The following ZNF687 variants were observed in gnomAD, a reference collection of about 807,000 sequenced individuals.
ZNF687 encodes zinc finger protein 687.
A neutral mutation model predicts 71.8 loss-of-function variants in ZNF687; 13 were observed. That is an observed-to-expected ratio of 0.18 (90% confidence interval 0.12 to 0.29). ZNF687 has a LOEUF of 0.29. Ranked by LOEUF, ZNF687 falls within the 10% of genes least tolerant of loss-of-function variation. ZNF687 has a pLI of 1.00. For missense variants in ZNF687, 1,412 were observed against 1,625.6 expected, an observed-to-expected ratio of 0.87 and a Z score of 2.26; for synonymous variants, 673 against 641.6, an observed-to-expected ratio of 1.05 and a Z score of -0.74.
upstream of ZNF687, chr1:151,282,052 C>T (rs1693732968): frequency 7.8e-7 from 1 of 1,283,012 alleles, no homozygotes. Flanking sequence ...ATGGGGCAGA[C>T]GGACCCCGGC....
rs374000640 is a variant in ZNF687, at chr1:151,286,499, T to G, written c.208T>G (p.Ser70Ala). The change falls in exon 2 of 9, where the codon TCT becomes GCT. Residue 70 changes from serine (S) to alanine (A), a missense_variant. Ser to Ala is a moderately conservative substitution (Grantham distance 99). This residue lies in a region of ZNF687 where 490 missense variants were observed against 489.9 expected (regional missense o/e 1.00). Transcript: ENST00000336715. ...TGGCCCTGGAGTTCCAGCCCAGGCC[T>G]CTGACCATGGCCTGCCACCGCCAGA... ...GDGPGVPAQA[S>A]DHGLPPPDIS... The G allele has an allele frequency of 3.8e-5, 61 of 1,614,040 alleles. No individual in the cohort carries two copies. Among genetic ancestry groups the G allele is most frequent in the Non-Finnish European group, 4.5e-5 (53 of 1,180,016 alleles).
chr1:151,282,578 C>A (rs976545934), intron 1 of ZNF687, among the ~76,000 whole-genome samples, 183 bp downstream of exon 1: 1 of 152,210 alleles, frequency 6.6e-6, no homozygotes, highest in East Asian at 1.9e-4. Flanking sequence ...AACTCCTGGC[C>A]TGTTGTAAGC....
intron 1 of ZNF687, 116 bp downstream of exon 1, chr1:151,282,511 G>T: frequency 1.5e-5 from 12 of 798,512 alleles, no homozygotes; most frequent in Non-Finnish European, 1.8e-5. Flanking sequence ...GCCGCCCCCT[G>T]GGGCGGCTTC....
At chr1:151,288,766 AG>A in intron 3 of ZNF687, 60 bp downstream of exon 3, 1 of 1,526,824 alleles carries the variant, frequency 6.5e-7, no homozygotes, top group South Asian at 1.3e-5. Flanking sequence ...CCTCAGCCTC[AG>A]ATGGCCTTTC....
At position 151,290,699 on chromosome 1, in the gene ZNF687, T is replaced by C. The variant is rs1359945148; in HGVS notation, c.3220-16T>C. The C allele has an allele frequency of 6.3e-7, 1 of 1,588,778 alleles. No individual in the cohort carries two copies. The highest frequency in any genetic ancestry group is 1.3e-5 in the African/African-American group (1 of 74,134). ...AGGGGTGGTGGTAAGGCCCAGTTTC[T>C]TCCACTTTTCTTCAGGGGCCAGGTC... is the stretch of plus-strand genomic sequence containing the variant. On this transcript the variant is annotated splice_polypyrimidine_tract_variant and intron_variant, in intron 8 of 8. Coordinates refer to ENST00000336715, the MANE Select transcript of ZNF687 (RefSeq NM_020832.3).
In ZNF687 at chr1:151,289,966, C is replaced by T. The variant is rs758950548; in HGVS notation, c.2923C>T (p.Arg975Cys). The change falls in exon 6 of 9, where the codon CGT (arginine) becomes TGT (cysteine). Residue 975 changes from arginine to cysteine, a missense_variant. Around this residue, in one of 8 missense-constraint regions of ZNF687, gnomAD observed 135 missense variants for 104.1 expected, o/e 1.30. Coordinates refer to ENST00000336715, the MANE Select transcript of ZNF687 (RefSeq NM_020832.3). ...CGLCHSWFPE[R>C]DEYVAHMKKE... is the part of the protein sequence containing the mutation. ...CCTGTGTCACTCCTGGTTCCCTGAG[C>T]GTGATGAATACGTGGCCCACATGAA... The T allele has an allele frequency of 6.3e-6, 10 of 1,575,512 alleles. No individual in the cohort carries two copies. Among genetic ancestry groups the T allele is most frequent in the South Asian group, 1.1e-5 (1 of 87,198 alleles).
rs1557769986 is a variant in ZNF687, at chr1:151,287,379, CCTT to C, written c.1092_1094del (p.Phe364del). The C allele has an allele frequency of 6.2e-7, 1 of 1,614,156 alleles. No homozygotes were observed. The highest frequency in any genetic ancestry group is 8.5e-7 in the Non-Finnish European group (1 of 1,180,040). On this transcript the variant is annotated inframe_deletion, in exon 2 of 9. Transcript: ENST00000336715. This position sits in a 1 kb window ranked among gnomAD's most constrained non-coding sequence, Gnocchi z 5.0. The stretch of plus-strand genomic sequence containing the variant: ...CCACCTGCCCCCTTGGCTGAGGGGG[CCTT>C]CTTGGCTGAGGCTAGCCTCTTGAAG...
rs1693987368 is a variant in ZNF687 at position 151,287,178 on chromosome 1, A to G, written c.887A>G (p.Lys296Arg). ...GATGATGATGAGGGGCCAGTGGACA[A>G]GTCTTCCCCAGGAAGTCCCCAGAGT... is the stretch of plus-strand genomic sequence containing the variant. The part of the protein sequence containing the change: ...EEDDDEGPVD[K>R]SSPGSPQSPS... Residue 296 changes from lysine (K) to arginine (R), a missense_variant, in exon 2 of 9, where the codon AAG becomes AGG. Coordinates refer to ENST00000336715, the MANE Select transcript of ZNF687 (RefSeq NM_020832.3). The surrounding 1 kb of genome is among the most constrained non-coding windows in gnomAD (Gnocchi z 5.0). The G allele has an allele frequency of 6.2e-7, 1 of 1,614,034 alleles. No homozygotes were observed. Among genetic ancestry groups the G allele is most frequent in the African/African-American group, 1.3e-5 (1 of 74,938 alleles).
At chr1:151,283,995 G>T in intron 1 of ZNF687, 1 of 985,424 alleles carries the variant, frequency 1.0e-6, no homozygotes, top group Non-Finnish European at 1.2e-6. Context: ...ACTGGTAGGG[G>T]ACAGACCTGG....
rs757194547 is a variant in ZNF687, at chr1:151,290,646, A to G, written c.3220-69A>G. 3 of 1,580,026 alleles carry G rather than the reference A, an allele frequency of 1.9e-6. No homozygotes were observed. The Admixed American group carries it at 5.3e-5, about 28-fold the overall frequency. The stretch of plus-strand genomic sequence containing the variant: ...GGAAGGCAGAGACCATGGCCTCAGG[A>G]AGCGAGCATGGGGGTGCCAGGGACA... On this transcript the variant is annotated intron_variant, in intron 8 of 8. Coordinates refer to ENST00000336715, the MANE Select transcript of ZNF687 (RefSeq NM_020832.3).
rs1444938578 is a variant in ZNF687, at chr1:151,287,185, C to A, written c.894C>A (p.Ser298=). 6.2e-7 allele frequency: 1 copy of A among 1,614,008 alleles called. No individual in the cohort carries two copies. The highest frequency in any genetic ancestry group is 8.5e-7 in the Non-Finnish European group (1 of 1,180,006). ...DDDEGPVDKS[S]PGSPQSPSSG... ...ATGAGGGGCCAGTGGACAAGTCTTCCCCAGGAAGTCCCCAGAGTCCCTCTA... is the reference window on the plus strand; with the variant it reads ...ATGAGGGGCCAGTGGACAAGTCTTCACCAGGAAGTCCCCAGAGTCCCTCTA... Residue 298 remains serine (S), a synonymous_variant, in exon 2 of 9, where the codon TCC becomes TCA. Coordinates refer to ENST00000336715, the MANE Select transcript of ZNF687 (RefSeq NM_020832.3). This position sits in a 1 kb window ranked among gnomAD's most constrained non-coding sequence, Gnocchi z 5.0.
In ZNF687 at chr1:151,291,471, A is replaced by C. The variant is rs2101890576; in HGVS notation, c.*262A>C. ...CTAATTAATTTTATGCTCCTGCTGC[A>C]GAACCCCCAGTGTGGGCCTGGGGGT... On this transcript the variant is annotated 3_prime_UTR_variant, in exon 9 of 9. Coordinates refer to ENST00000336715, the MANE Select transcript of ZNF687 (RefSeq NM_020832.3). The C allele has an allele frequency of 2.3e-6, 1 of 428,762 alleles. No individual in the cohort carries two copies. Among genetic ancestry groups the C allele is most frequent in the South Asian group, 2.9e-5 (1 of 34,506 alleles). The allele number at this position is 428,762 out of a possible 1,614,324, so 26.6% of individuals were successfully genotyped here.
chr1:151,289,555 G>A lies in ZNF687; in HGVS notation c.2634+15G>A, dbSNP rs1310465619. On this transcript the variant is annotated intron_variant, in intron 5 of 8. Transcript: ENST00000336715. ...AACATCTCAAGGTACAGGAGCAGAG[G>A]GATGGGGAATGGGTGCTTAGCTGTA... 7 of 1,613,946 alleles carry A rather than the reference G, an allele frequency of 4.3e-6. No homozygotes were observed. The Admixed American group carries it at 5.0e-5, about 12-fold the overall frequency.
At chr1:151,281,787 G>A (rs905068582), upstream of ZNF687, 5 of 369,964 alleles carry the variant, frequency 1.4e-5, no homozygotes, top group Admixed American at 1.8e-4. Context: ...GGTTTAGCTT[G>A]AAACAGCGCA....
upstream of ZNF687, chr1:151,282,170 G>C (rs1339670937): frequency 8.7e-6 from 10 of 1,144,294 alleles, no homozygotes; most frequent in South Asian, 1.7e-5. Context: ...GGCCAACCCA[G>C]TGCGGGGCTG....
chr1:151,289,155 G>A lies in ZNF687; in HGVS notation c.2355G>A (p.Thr785=), dbSNP rs753209471. 1.2e-6 allele frequency: 2 copies of A among 1,614,094 alleles called. No individual in the cohort carries two copies. The highest frequency in any genetic ancestry group is 1.3e-5 in the African/African-American group (1 of 74,936). ...GVNSIKSHIQ[T]SHCEVFHKCP... ...ACTCCATCAAGTCCCACATCCAGAC[G>A]TCGCACTGCGAGGTTTTCCACAAGT... The change falls in exon 4 of 9, where the codon ACG becomes ACA. Residue 785 remains threonine (T), a synonymous_variant. Transcript: ENST00000336715.
chr1:151,287,901 A>C lies in ZNF687; in HGVS notation c.1610A>C (p.Glu537Ala). Residue 537 changes from glutamate (E) to alanine (A), a missense_variant, in exon 2 of 9, where the codon GAG becomes GCG. Physicochemically the swap from Glu to Ala is moderately radical, Grantham distance 107. Coordinates refer to ENST00000336715, the MANE Select transcript of ZNF687 (RefSeq NM_020832.3). The surrounding 1 kb of genome is among the most constrained non-coding windows in gnomAD (Gnocchi z 5.0). The part of the protein sequence containing the change: ...ALPPTGYRCL[E>A]CGDAFSLEKS... ...CCTCCCACCGGCTACCGCTGCCTGG[A>C]GTGTGGGGATGCCTTCTCATTGGAG... is the stretch of plus-strand genomic sequence containing the variant. 1 of 1,613,798 alleles carries C rather than the reference A, an allele frequency of 6.2e-7. No individual in the cohort carries two copies. Among genetic ancestry groups the C allele is most frequent in the Non-Finnish European group, 8.5e-7 (1 of 1,180,014 alleles).
In ZNF687 at chr1:151,290,144, GC is replaced by G. The variant is rs765010395; in HGVS notation, c.2989del (p.Leu997CysfsTer12). 1 of 1,614,016 alleles carries G rather than the reference GC, an allele frequency of 6.2e-7. No individual in the cohort carries two copies. Among genetic ancestry groups the G allele is most frequent in the East Asian group, 2.2e-5 (1 of 44,882 alleles). ...TAGTCAGTGAAAAAGTTCCCCTGTC[GC>G]CTGTGTGAGCGCTCCTTCTGCTCCG... Reference protein sequence around the residue: ...HGKSVKKFPCRLCERSFCSAP... With the variant: ...HGKSVKKFPCXLCERSFCSAP... On this transcript the variant is annotated frameshift_variant, in exon 7 of 9. Coordinates refer to ENST00000336715, the MANE Select transcript of ZNF687 (RefSeq NM_020832.3). LOFTEE classifies it high-confidence loss of function.
At position 151,291,256 on chromosome 1, in the gene ZNF687, T is replaced by G; in HGVS notation, c.*47T>G. 1 of 1,546,428 alleles carries G rather than the reference T, an allele frequency of 6.5e-7. No individual in the cohort carries two copies. Among genetic ancestry groups the G allele is most frequent in the African/African-American group, 1.4e-5 (1 of 72,822 alleles). The stretch of plus-strand genomic sequence containing the variant: ...CAGCCCCTTCCTCTTGGAGCCTGGT[T>G]TTCCCTACTGCTGCCTGATCCCTCG... On this transcript the variant is annotated 3_prime_UTR_variant, in exon 9 of 9. Transcript: ENST00000336715.
Sources: gnomAD v4.1 joint callset for allele counts (sites outside exome capture counted in the v4.1 genomes callset) on GRCh38, gnomAD v4.1.1 for gene constraint, gnomAD v4.1.1 regional missense constraint, Gnocchi (gnomAD v3.1) non-coding constraint, MANE v1.5 for transcripts, NCBI Gene and HGNC (gene_info 2026-07-23, HGNC 2026-07-21) for gene names.